The following PTPRD variants were observed in gnomAD, a reference collection of about 807,000 sequenced individuals.
PTPRD encodes protein tyrosine phosphatase receptor type D.
A neutral mutation model predicts 214.5 loss-of-function variants in PTPRD; 34 were observed. That is an observed-to-expected ratio of 0.16 (90% CI 0.12 to 0.21). The LOEUF is 0.21. PTPRD is among the 10% of genes least tolerant of loss of function. The probability of loss-of-function intolerance (pLI) is 1.00; values close to 1 mark genes in which losing one functional copy is unlikely to be tolerated. For missense variants in PTPRD, 2,545 were observed against 2,398.7 expected, an observed-to-expected ratio of 1.06 and a Z score of -1.27; for synonymous variants, 1,128 against 845.7, an observed-to-expected ratio of 1.33 and a Z score of -5.79.
At chr9:10,324,577 G>A (rs1460333475) in intron 3 of PTPRD, among the ~76,000 whole-genome samples, 2 of 151,946 alleles carry the variant, frequency 1.3e-5, no homozygotes, top group South Asian at 2.1e-4. Flanking sequence ...GAGCTGATCC[G>A]ACTGTGAAGT....
intron 4 of PTPRD, among the ~76,000 whole-genome samples, chr9:9,971,705 A>C (rs941799957): frequency 1.1e-4 from 17 of 152,184 alleles, no homozygotes; most frequent in African/African-American, 3.9e-4. Flanking sequence ...AAATAGCACC[A>C]CCAAGCTGCT....
At chr9:9,808,591 GT>G (rs1279465750) in intron 5 of PTPRD, among the ~76,000 whole-genome samples, 4 of 152,096 alleles carry the variant, frequency 2.6e-5, no homozygotes, top group Non-Finnish European at 4.4e-5. Flanking sequence ...TTACAGTGCA[GT>G]TTTGCCCCTC....
intron 3 of PTPRD, among the ~76,000 whole-genome samples, chr9:10,208,410 A>G (rs943087695): frequency 1.3e-5 from 2 of 152,162 alleles, no homozygotes; most frequent in African/African-American, 2.4e-5. Flanking sequence ...GCTACTCGGG[A>G]GGCTGAGGCA....
At chr9:9,846,661 A>C (rs2059587760) in intron 5 of PTPRD, among the ~76,000 whole-genome samples, 4 of 152,132 alleles carry the variant, frequency 2.6e-5, no homozygotes, top group Admixed American at 2.0e-4. Context: ...CAGAGCATGG[A>C]AACTTATTTT....
intron 12 of PTPRD, among the ~76,000 whole-genome samples, chr9:8,709,654 A>G (rs932984211): frequency 2.0e-5 from 3 of 152,198 alleles, no homozygotes; most frequent in African/African-American, 7.2e-5. Context: ...TCTACAACAT[A>G]TACATTAAAA....
At chr9:8,445,146 T>C (rs1018271060) in intron 34 of PTPRD, among the ~76,000 whole-genome samples, 1 of 152,184 alleles carries the variant, frequency 6.6e-6, no homozygotes, top group Admixed American at 6.6e-5. Context: ...AGCTAAATGA[T>C]ACCTTCCTAT....
chr9:8,481,160 A>AC (rs2135572013), intron 30 of PTPRD, among the ~76,000 whole-genome samples: 1 of 151,370 alleles, frequency 6.6e-6, no homozygotes, highest in East Asian at 1.9e-4. Flanking sequence ...AAAAAAAAAA[A>AC]AAAAAATAAG....
Position 10,043,411 on chromosome 9 carries a change from G to C in PTPRD, c.-544-9621C>G, listed in dbSNP as rs371567202. On this transcript the variant is annotated intron_variant, in intron 3 of 45. Coordinates refer to ENST00000381196, the MANE Select transcript of PTPRD (RefSeq NM_002839.4). ...TCTTTAAATGTGATGTTTTATCTAT[G>C]GGGAGTATTGCAGAAAACAAAGGCT... Among the ~76,000 whole-genome samples the C allele has an allele frequency of 6.8e-4, 104 of 151,856 alleles. 4 individuals carry two copies. Among genetic ancestry groups the C allele is most frequent in the African/African-American group, 2.3e-3 (96 of 41,500 alleles).
At chr9:10,540,112 C>T (rs2058758214) in intron 2 of PTPRD, among the ~76,000 whole-genome samples, 1 of 152,028 alleles carries the variant, frequency 6.6e-6, no homozygotes, top group Non-Finnish European at 1.5e-5. Context: ...CTCACTCAAC[C>T]TCCTCCTCCC....
chr9:9,214,680 G>A (rs934436228), intron 9 of PTPRD, among the ~76,000 whole-genome samples: 3 of 152,026 alleles, frequency 2.0e-5, no homozygotes, highest in Non-Finnish European at 4.4e-5. Context: ...AGATAAAAAC[G>A]CCAATATTTT....
chr9:9,823,178 AAG>A (rs1470667492), intron 5 of PTPRD, among the ~76,000 whole-genome samples: 1 of 152,114 alleles, frequency 6.6e-6, no homozygotes, highest in Non-Finnish European at 1.5e-5. Flanking sequence ...TTATAAAGAA[AAG>A]AGGTAATCAG....
intron 8 of PTPRD, among the ~76,000 whole-genome samples, chr9:9,486,298 G>A (rs970189301): frequency 6.6e-6 from 1 of 151,322 alleles, no homozygotes; most frequent in African/African-American, 2.4e-5. Flanking sequence ...AAACAAGGAT[G>A]GATTGTTAGG....
intron 10 of PTPRD, among the ~76,000 whole-genome samples, chr9:9,164,550 C>A (rs560694919): frequency 1.3e-5 from 2 of 152,258 alleles, no homozygotes; most frequent in South Asian, 4.1e-4. Context: ...GGGTATTATA[C>A]TGCCTTTCAT....
At chr9:8,722,809 AAAAT>A (rs2098515571) in intron 12 of PTPRD, among the ~76,000 whole-genome samples, 1 of 152,240 alleles carries the variant, frequency 6.6e-6, no homozygotes, top group Admixed American at 6.5e-5. Flanking sequence ...CTTTAAAAGA[AAAAT>A]AAAACTGACC....
At chr9:9,305,576 A>G (rs182496416) in intron 9 of PTPRD, among the ~76,000 whole-genome samples, 13 of 152,218 alleles carry the variant, frequency 8.5e-5, no homozygotes, top group African/African-American at 2.6e-4. Flanking sequence ...TGTCTCACCA[A>G]TCACCTTTAA....
chr9:8,820,320 G>A (rs1387252141), intron 11 of PTPRD, among the ~76,000 whole-genome samples: 2 of 152,060 alleles, frequency 1.3e-5, no homozygotes, highest in African/African-American at 2.4e-5. Flanking sequence ...ACTGTACTAG[G>A]CAATCTAGCT....
intron 2 of PTPRD, among the ~76,000 whole-genome samples, chr9:10,518,367 A>C (rs946306158): frequency 6.6e-6 from 1 of 152,102 alleles, no homozygotes; most frequent in African/African-American, 2.4e-5. Flanking sequence ...AATTACCTAC[A>C]TGTAGGGCAA....
At chr9:9,142,657 G>A (rs1052617121) in intron 10 of PTPRD, among the ~76,000 whole-genome samples, 1 of 152,166 alleles carries the variant, frequency 6.6e-6, no homozygotes, top group Non-Finnish European at 1.5e-5. Flanking sequence ...ATATAAAAAG[G>A]AACTGCTACA....
At chr9:10,583,694 G>T (rs1222769623) in intron 2 of PTPRD, among the ~76,000 whole-genome samples, 1 of 151,994 alleles carries the variant, frequency 6.6e-6, no homozygotes, top group African/African-American at 2.4e-5. Context: ...TAGTCAGGAT[G>T]GTCTCGATCT....
Sources: gnomAD v4.1 joint callset for allele counts (sites outside exome capture counted in the v4.1 genomes callset) on GRCh38, gnomAD v4.1.1 for gene constraint, MANE v1.5 for transcripts, NCBI Gene and HGNC (gene_info 2026-07-23, HGNC 2026-07-21) for gene names.